The following NRXN1 variants were observed in gnomAD, a reference collection of about 807,000 sequenced individuals.
NRXN1 encodes neurexin-1.
Under a neutral mutation model 150.9 loss-of-function variants are expected in NRXN1, and 39 were observed. The observed-to-expected ratio is 0.26, with a 90% confidence interval of 0.20 to 0.34. The LOEUF is 0.34. NRXN1 is among the 10% of genes least tolerant of loss of function. The pLI, the probability that NRXN1 is intolerant of heterozygous loss-of-function variation, is 1.00. For missense variants in NRXN1, 1,815 were observed against 1,949.9 expected (o/e 0.93, Z 1.30); for synonymous variants, 924 against 757.0 (o/e 1.22, Z -3.62).
At chr2:50,313,601 C>T (rs2075354045) in intron 17 of NRXN1, among the ~76,000 whole-genome samples, 1 of 152,056 alleles carries the variant, frequency 6.6e-6, no homozygotes, top group Non-Finnish European at 1.5e-5. Flanking sequence ...ATAACAGGAA[C>T]CGAAGACTTA....
At chr2:50,972,340 A>C (rs372330327) in intron 2 of NRXN1, among the ~76,000 whole-genome samples, 109 of 152,092 alleles carry the variant, frequency 7.2e-4, no homozygotes, top group African/African-American at 1.9e-3. Context: ...GCTTTGATCT[A>C]CTTTTACCCA....
chr2:50,454,688 A>G (rs1435023409), intron 17 of NRXN1, among the ~76,000 whole-genome samples: 1 of 151,954 alleles, frequency 6.6e-6, no homozygotes, highest in Non-Finnish European at 1.5e-5. Flanking sequence ...ACACACACAC[A>G]CACACACACA....
At chr2:50,158,389 A>G (rs2059155486) in intron 18 of NRXN1, among the ~76,000 whole-genome samples, 1 of 151,738 alleles carries the variant, frequency 6.6e-6, no homozygotes, top group Non-Finnish European at 1.5e-5. Context: ...ATTCATAGAC[A>G]GTACATTTTC....
chr2:50,225,512 T>C (rs977369691), intron 18 of NRXN1, among the ~76,000 whole-genome samples: 60 of 151,932 alleles, frequency 3.9e-4, no homozygotes, highest in African/African-American at 1.4e-3. Context: ...GAACAAAGTA[T>C]TATGATTGTA....
Position 50,020,198 on chromosome 2 carries a change from T to C in NRXN1, c.4128+33073A>G, listed in dbSNP as rs543064335. Among the ~76,000 whole-genome samples, 10 of 152,174 alleles carry C rather than the reference T, an allele frequency of 6.6e-5. 1 individual carries two copies. The highest frequency in any genetic ancestry group is 1.2e-4 in the Non-Finnish European group (8 of 68,004). ...TGATTTATAAACAGCAGAAGAACAA[T>C]GGGTAATCCATATTAAAAATGATTG... On this transcript the variant is annotated intron_variant, in intron 21 of 22. Transcript: ENST00000401669.
intron 17 of NRXN1, among the ~76,000 whole-genome samples, chr2:50,369,695 A>G (rs1451721525): frequency 6.6e-6 from 1 of 152,016 alleles, no homozygotes; most frequent in Non-Finnish European, 1.5e-5. Context: ...GGGCATCTTT[A>G]TAGTAAGTGA....
intron 21 of NRXN1, among the ~76,000 whole-genome samples, chr2:49,960,574 A>T (rs1481668570): frequency 6.6e-6 from 1 of 152,196 alleles, no homozygotes; most frequent in Non-Finnish European, 1.5e-5. Flanking sequence ...TTATTTAAAG[A>T]TGTTGCATTA....
At chr2:49,958,188 T>C (rs372080543) in intron 21 of NRXN1, among the ~76,000 whole-genome samples, 1 of 152,266 alleles carries the variant, frequency 6.6e-6, no homozygotes, top group African/African-American at 2.4e-5. Flanking sequence ...GAATTTGCCT[T>C]TGTGCATGTA....
intron 17 of NRXN1, among the ~76,000 whole-genome samples, chr2:50,375,764 T>A (rs1267027994): frequency 6.6e-6 from 1 of 151,714 alleles, no homozygotes; most frequent in Non-Finnish European, 1.5e-5. Context: ...TTTTTTATCA[T>A]AATAAAAAGT....
intron 18 of NRXN1, among the ~76,000 whole-genome samples, chr2:50,229,119 T>C (rs1003498379): frequency 2.0e-5 from 3 of 152,054 alleles, no homozygotes; most frequent in Non-Finnish European, 2.9e-5. Context: ...GTACCCCCTA[T>C]CTATGCACCT....
chr2:50,350,390 CG>C (rs1308297901), intron 17 of NRXN1, among the ~76,000 whole-genome samples: 1 of 152,102 alleles, frequency 6.6e-6, no homozygotes, highest in African/African-American at 2.4e-5. Flanking sequence ...AACACAAAAA[CG>C]TGGTGCTAAA....
chr2:49,952,125 C>A (rs957393671), intron 21 of NRXN1, among the ~76,000 whole-genome samples: 1 of 151,924 alleles, frequency 6.6e-6, no homozygotes, highest in African/African-American at 2.4e-5. Flanking sequence ...ATGAGATTAT[C>A]CGACTCCCAG....
At chr2:50,596,204 C>G (rs1315825397) in intron 8 of NRXN1, among the ~76,000 whole-genome samples, 1 of 152,184 alleles carries the variant, frequency 6.6e-6, no homozygotes, top group Non-Finnish European at 1.5e-5. Context: ...CTCTTCTTCA[C>G]CCACTCTTCA....
chr2:50,549,376 T>C (rs1164015153), intron 9 of NRXN1, among the ~76,000 whole-genome samples: 1 of 152,180 alleles, frequency 6.6e-6, no homozygotes, highest in Non-Finnish European at 1.5e-5. Flanking sequence ...AGCTCTATTT[T>C]TTTTCAATTT....
At chr2:50,155,305 G>C (rs1417700755) in intron 18 of NRXN1, among the ~76,000 whole-genome samples, 1 of 151,444 alleles carries the variant, frequency 6.6e-6, no homozygotes, top group Non-Finnish European at 1.5e-5. Flanking sequence ...AGAGTAGTGT[G>C]GGTAATGACC....
intron 17 of NRXN1, among the ~76,000 whole-genome samples, chr2:50,278,628 A>G (rs2070987939): frequency 6.6e-6 from 1 of 152,008 alleles, no homozygotes; most frequent in Non-Finnish European, 1.5e-5. Flanking sequence ...AGCATGGTGG[A>G]ACATATTTTA....
At chr2:50,943,987 G>A (rs977132855) in intron 2 of NRXN1, among the ~76,000 whole-genome samples, 2 of 152,100 alleles carry the variant, frequency 1.3e-5, no homozygotes, top group Admixed American at 6.6e-5. Context: ...ATGGAGAAAC[G>A]AAAAACCATC....
chr2:50,501,783 C>T (rs187008971), intron 13 of NRXN1, among the ~76,000 whole-genome samples: 2 of 152,264 alleles, frequency 1.3e-5, no homozygotes, highest in Admixed American at 6.5e-5. Flanking sequence ...CCTTGGGCTT[C>T]TCTGCTGGCA....
intron 10 of NRXN1, among the ~76,000 whole-genome samples, chr2:50,533,675 A>T (rs985008760): frequency 6.6e-6 from 1 of 152,080 alleles, no homozygotes; most frequent in African/African-American, 2.4e-5. Flanking sequence ...GATCAGTGTG[A>T]CCCTGGCCCC....
Sources: allele counts gnomAD v4.1 joint callset (sites outside exome capture counted in the v4.1 genomes callset), GRCh38; gene constraint gnomAD v4.1.1; transcripts MANE v1.5; gene names NCBI Gene and HGNC (gene_info 2026-07-23, HGNC 2026-07-21).